Variants in C1D observed in about 807,000 individuals in gnomAD.
The protein encoded by C1D is nuclear nucleic acid-binding protein C1D.
C1D carries 10 observed loss-of-function variants against 17.5 expected under a neutral mutation model. That is an observed-to-expected ratio of 0.57 (90% CI 0.35 to 0.97). C1D has a LOEUF of 0.97. Ranked by LOEUF, C1D falls within the 50% of genes least tolerant of loss-of-function variation. The pLI is 0.01. For synonymous variants in C1D, 49 were observed against 54.0 expected (o/e 0.91, Z 0.40); for missense variants, 136 against 160.1 (o/e 0.85, Z 0.81).
At chr2:68,062,084 A>C (rs1308667106) in intron 1 of C1D, among the ~76,000 whole-genome samples, 1 of 152,244 alleles carries the variant, frequency 6.6e-6, no homozygotes, top group Non-Finnish European at 1.5e-5. Flanking sequence ...ACAAAGGATA[A>C]GTGCCTGAAG....
intron 1 of C1D, among the ~76,000 whole-genome samples, chr2:68,055,795 A>G (rs1671423542): frequency 6.6e-6 from 1 of 152,238 alleles, no homozygotes; most frequent in Admixed American, 6.5e-5. Flanking sequence ...AGCCTCCACA[A>G]ATTATTACAA....
chr2:68,061,866 A>G (rs1006881855), intron 1 of C1D, among the ~76,000 whole-genome samples: 1 of 152,270 alleles, frequency 6.6e-6, no homozygotes, highest in Non-Finnish European at 1.5e-5. Flanking sequence ...AACACAGCTA[A>G]CTGAAGGCAG....
rs150092163 is a variant in C1D at position 68,058,371 on chromosome 2, T to C, written c.-10+4587A>G. ...AGTAATATGAAGAAATAAATCATGC[T>C]ATGAGACTATAAACTAGTGTACATG... On this transcript the variant is annotated intron_variant, in intron 1 of 4. Transcript: ENST00000410067. 6.6e-5 allele frequency among the ~76,000 whole-genome samples: 10 copies of C among 152,332 alleles called. No homozygotes were observed. The East Asian group carries it at 1.7e-3, about 26-fold the overall frequency.
At position 68,042,899 on chromosome 2, in the gene C1D, C is replaced by G; in HGVS notation, c.416G>C (p.Ser139Thr). The stretch of plus-strand genomic sequence containing the variant: ...ATCAAAACCAAAAAGTTAACTTTTA[C>G]TTTTTCCTTTATTGGCAACTTTTGA... ...NASKVANKGK[S>T]KS The change falls in exon 5 of 5, where the codon AGT becomes ACT. Residue 139 changes from serine to threonine, a missense_variant. By Grantham distance (58) the Ser-to-Thr change is moderately conservative. Coordinates refer to ENST00000410067, the MANE Select transcript of C1D (RefSeq NM_173177.3). The G allele has an allele frequency of 7.7e-7, 1 of 1,291,828 alleles. No homozygotes were observed. Among genetic ancestry groups the G allele is most frequent in the East Asian group, 3.8e-5 (1 of 26,204 alleles). 80.0% of individuals were successfully genotyped at this position (1,291,828 alleles called of 1,614,324 possible). A position where few individuals can be genotyped will look rare whatever the true frequency, so the allele number is the denominator to read the frequency against.
chr2:68,046,046 A>G lies in C1D; in HGVS notation c.206-3T>C. 1.3e-6 allele frequency: 2 copies of G among 1,573,140 alleles called. No individual in the cohort carries two copies. Among genetic ancestry groups the G allele is most frequent in the Non-Finnish European group, 1.7e-6 (2 of 1,156,196 alleles). On this transcript the variant is annotated splice_region_variant and splice_polypyrimidine_tract_variant and intron_variant, in intron 3 of 4. Transcript: ENST00000410067. ...AACTCCTTGGGTTGCCAAATAAACTACAAGAGAAAAATTTCATGGAATAAA... is the reference window on the plus strand; with the variant it reads ...AACTCCTTGGGTTGCCAAATAAACTGCAAGAGAAAAATTTCATGGAATAAA...
intron 3 of C1D, 98 bp from the exon 4 acceptor site, chr2:68,046,141 CA>C: frequency 1.1e-6 from 1 of 936,096 alleles, no homozygotes; most frequent in Non-Finnish European, 1.6e-6. Context: ...GAAAGTCCTA[CA>C]AACAATTAAA....
chr2:68,045,810 G>A (rs1671102336), intron 4 of C1D, among the ~76,000 whole-genome samples, 178 bp downstream of exon 4: 1 of 151,436 alleles, frequency 6.6e-6, no homozygotes, highest in African/African-American at 2.4e-5. Context: ...ATAATATATG[G>A]AATACCAATT....
rs1432009753 is a variant in C1D, at chr2:68,046,287, C to A, written c.205+57G>T. On this transcript the variant is annotated intron_variant, in intron 3 of 4. Coordinates refer to ENST00000410067, the MANE Select transcript of C1D (RefSeq NM_173177.3). ...AATTGTTAGCATTTTAAAAATAAAT[C>A]ATCTTTCACACAATAAGTAATTTGC... The A allele has an allele frequency of 1.1e-5, 14 of 1,254,130 alleles. No individual in the cohort carries two copies. The East Asian group carries it at 1.2e-4, about 10-fold the overall frequency. 77.7% of individuals were successfully genotyped at this position (1,254,130 alleles called of 1,614,324 possible). A position where few individuals can be genotyped will look rare whatever the true frequency, so the allele number is the denominator to read the frequency against.
chr2:68,048,370 T>G (rs1356114039), intron 1 of C1D, among the ~76,000 whole-genome samples: 1 of 152,166 alleles, frequency 6.6e-6, no homozygotes, highest in African/African-American at 2.4e-5. Context: ...CATTGCAGAA[T>G]GGAAGTAAAG....
At chr2:68,060,592 G>A (rs779236224) in intron 1 of C1D, among the ~76,000 whole-genome samples, 25 of 145,754 alleles carry the variant, frequency 1.7e-4, no homozygotes, top group Non-Finnish European at 3.2e-4. Flanking sequence ...GCAGTGAGCC[G>A]AGATTGTGCC....
intron 1 of C1D, among the ~76,000 whole-genome samples, chr2:68,050,672 C>A (rs1413053653): frequency 6.6e-6 from 1 of 152,136 alleles, no homozygotes; most frequent in Non-Finnish European, 1.5e-5. Context: ...AGAGGCTGTT[C>A]CTGACTCTCT....
At chr2:68,053,237 G>T (rs1238175431) in intron 1 of C1D, 3 of 1,539,544 alleles carry the variant, frequency 1.9e-6, no homozygotes, top group Non-Finnish European at 8.8e-7. Flanking sequence ...TTGCGGGGAT[G>T]CTGCCCAGTA....
chr2:68,054,793 T>TAA (rs201560971), intron 1 of C1D, among the ~76,000 whole-genome samples: 4 of 140,808 alleles, frequency 2.8e-5, no homozygotes, highest in East Asian at 2.0e-4. Context: ...GACCCATCTC[T>TAA]AAAAAAAAAA....
chr2:68,044,119 C>T (rs1175909618), intron 4 of C1D, among the ~76,000 whole-genome samples: 2 of 152,196 alleles, frequency 1.3e-5, no homozygotes, highest in African/African-American at 4.8e-5. Context: ...CACTCCAGTC[C>T]CCCTTACCCT....
chr2:68,058,623 T>A (rs1671507945), intron 1 of C1D, among the ~76,000 whole-genome samples: 1 of 152,170 alleles, frequency 6.6e-6, no homozygotes, highest in African/African-American at 2.4e-5. Context: ...GGAACATCCC[T>A]CACAAATCCC....
intron 1 of C1D, among the ~76,000 whole-genome samples, chr2:68,054,180 C>A (rs1390256170): frequency 6.6e-6 from 1 of 152,156 alleles, no homozygotes; most frequent in Non-Finnish European, 1.5e-5. Flanking sequence ...CTTTCTTTCT[C>A]AGAAGTCCCA....
At position 68,046,338 on chromosome 2, in the gene C1D, A is replaced by T; in HGVS notation, c.205+6T>A. The T allele has an allele frequency of 6.2e-7, 1 of 1,605,208 alleles. No individual in the cohort carries two copies. The highest frequency in any genetic ancestry group is 1.1e-5 in the South Asian group (1 of 90,562). On this transcript the variant is annotated splice_donor_region_variant and intron_variant, in intron 3 of 4. Coordinates refer to ENST00000410067, the MANE Select transcript of C1D (RefSeq NM_173177.3). ...TTTCTAATTAATTCCAAAGTAACAC[A>T]CATACCCCAAAACATTGAATTTAAT... is the stretch of plus-strand genomic sequence containing the variant.
In C1D at chr2:68,042,911, T is replaced by C. The variant is rs753314620; in HGVS notation, c.404A>G (p.Asn135Ser). The change falls in exon 5 of 5, where the codon AAT becomes AGT. Residue 135 changes from asparagine (N) to serine (S), a missense_variant. Asn to Ser is a conservative substitution (Grantham distance 46). Transcript: ENST00000410067. Reference protein sequence around the residue: ...PKSKNASKVANKGKSKS With the variant: ...PKSKNASKVASKGKSKS ...AAGTTAACTTTTACTTTTTCCTTTA[T>C]TGGCAACTTTTGATGCATTTTTCGA... 3.1e-6 allele frequency: 5 copies of C among 1,601,724 alleles called. No individual in the cohort carries two copies. The highest frequency in any genetic ancestry group is 2.2e-5 in the South Asian group (2 of 90,162).
At chr2:68,046,241 TATAAA>T in intron 3 of C1D, 98 bp downstream of exon 3, 2 of 958,658 alleles carry the variant, frequency 2.1e-6, no homozygotes, top group Non-Finnish European at 3.2e-6. Context: ...TTAAAAGTGT[TATAAA>T]GTATAATTGT....
Sources: gnomAD v4.1 joint callset for allele counts (sites outside exome capture counted in the v4.1 genomes callset) on GRCh38, gnomAD v4.1.1 for gene constraint, MANE v1.5 for transcripts, NCBI Gene and HGNC (gene_info 2026-07-23, HGNC 2026-07-21) for gene names.